TLR1: variants seen among roughly 807,000 people sequenced by gnomAD.
TLR1 encodes toll like receptor 1.
In TLR1, 19 loss-of-function variants were observed where a neutral mutation model predicts 20.2. The ratio of observed to expected loss-of-function variants is 0.94; its 90% CI spans 0.66 to 1.38. TLR1 has a LOEUF of 1.38. TLR1 is among the 40% of genes most tolerant of loss of function. TLR1 has a pLI of 0.00. For synonymous variants in TLR1, 320 were observed against 334.5 expected, an observed-to-expected ratio of 0.96 and a Z score of 0.47; for missense variants, 921 against 910.0, an observed-to-expected ratio of 1.01 and a Z score of -0.16.
In TLR1 at chr4:38,796,437, C is replaced by T. The variant is rs1726059999; in HGVS notation, c.*34G>A. On this transcript the variant is annotated 3_prime_UTR_variant, in exon 4 of 4. Coordinates refer to ENST00000308979, the MANE Select transcript of TLR1 (RefSeq NM_003263.4). ...TTGGAACTTCCAAAAGCAGCAATAT[C>T]AACAGGAGGAATATTTTTCACTTGA... is the stretch of plus-strand genomic sequence containing the variant. The T allele has an allele frequency of 1.9e-6, 3 of 1,588,314 alleles. No homozygotes were observed. The highest frequency in any genetic ancestry group is 2.6e-6 in the Non-Finnish European group (3 of 1,163,358).
In TLR1 at chr4:38,797,955, C is replaced by CA; in HGVS notation, c.876dup (p.Asp293Ter). 6.2e-7 allele frequency: 1 copy of CA among 1,614,132 alleles called. No homozygotes were observed. Among genetic ancestry groups the CA allele is most frequent in the Non-Finnish European group, 8.5e-7 (1 of 1,180,030 alleles). ...GCCTTCAAGGAAGTGCCAGAATAATCAAAATCTCTGAAGTCCAGCTGACCC... is the reference window on the plus strand; with the variant it reads ...GCCTTCAAGGAAGTGCCAGAATAATCAAAAATCTCTGAAGTCCAGCTGACCC... On this transcript the variant is annotated frameshift_variant, in exon 4 of 4. Transcript: ENST00000308979. LOFTEE classifies it low-confidence loss of function (END_TRUNC).
chr4:38,794,931 T>C (rs1488112000), downstream of TLR1, among the ~76,000 whole-genome samples: 1 of 152,140 alleles, frequency 6.6e-6, no homozygotes, highest in African/African-American at 2.4e-5. Flanking sequence ...TTTTCTAGAC[T>C]CCTTGAGTTA....
downstream of TLR1, among the ~76,000 whole-genome samples, chr4:38,792,905 G>A (rs941579109): frequency 7.7e-5 from 10 of 129,620 alleles, no homozygotes; most frequent in African/African-American, 3.0e-4. Flanking sequence ...TCCTATTATT[G>A]CCATATGAAA....
chr4:38,804,045 T>C (rs1579219572), intron 2 of TLR1, among the ~76,000 whole-genome samples: 1 of 152,314 alleles, frequency 6.6e-6, no homozygotes, highest in East Asian at 1.9e-4. Flanking sequence ...CAAGACCAAA[T>C]AGCTATTAAC....
At chr4:38,788,932 G>A (rs1024375879), downstream of TLR1, among the ~76,000 whole-genome samples, 1 of 152,118 alleles carries the variant, frequency 6.6e-6, no homozygotes, top group African/African-American at 2.4e-5. Flanking sequence ...CTGGAGCTGA[G>A]GAGTTTGATG....
At chr4:38,802,448 A>T (rs548509265) in intron 2 of TLR1, among the ~76,000 whole-genome samples, 1 of 152,228 alleles carries the variant, frequency 6.6e-6, no homozygotes, top group African/African-American at 2.4e-5. Flanking sequence ...AATGTCTCCA[A>T]TGAGCATGTA....
intron 2 of TLR1, among the ~76,000 whole-genome samples, chr4:38,803,220 T>A (rs45482391): frequency 0.022 from 3,393 of 152,188 alleles, 56 homozygotes; most frequent in Middle Eastern, 0.12. Context: ...GCCCCCTGAG[T>A]GTTCTTTCAG....
At chr4:38,802,203 A>C (rs753230842) in intron 2 of TLR1, among the ~76,000 whole-genome samples, 1 of 152,160 alleles carries the variant, frequency 6.6e-6, no homozygotes, top group Non-Finnish European at 1.5e-5. Context: ...TCTCAAAAAC[A>C]AACAAACAAA....
intron 2 of TLR1, 75 bp from the exon 3 acceptor site, chr4:38,801,023 A>G (rs5743595): frequency 0.15 from 22,153 of 152,644 alleles, 2,214 homozygotes; most frequent in East Asian, 0.4. Context: ...CATTAACTGT[A>G]TTTGGCTGAA....
At chr4:38,799,644 G>A (rs1176235472) in intron 3 of TLR1, among the ~76,000 whole-genome samples, 1 of 152,170 alleles carries the variant, frequency 6.6e-6, no homozygotes, top group Non-Finnish European at 1.5e-5. Flanking sequence ...CTCAACTGGT[G>A]TACTTTCACT....
At position 38,796,609 on chromosome 4, in the gene TLR1, G is replaced by C; in HGVS notation, c.2223C>G (p.Ser741Arg). Residue 741 changes from serine to arginine, a missense_variant, in exon 4 of 4, where the codon AGC becomes AGG. Transcript: ENST00000308979. ...LEPIPQYSIP[S>R]SYHKLKSLMA... ...TGAGACTTTTGAGCTTGTGATAACT[G>C]CTAGGAATGGAGTACTGCGGAATGG... 1 of 1,614,170 alleles carries C rather than the reference G, an allele frequency of 6.2e-7. No individual in the cohort carries two copies. Among genetic ancestry groups the C allele is most frequent in the Non-Finnish European group, 8.5e-7 (1 of 1,180,032 alleles).
chr4:38,792,169 G>A (rs1322115139), downstream of TLR1, among the ~76,000 whole-genome samples: 1 of 152,184 alleles, frequency 6.6e-6, no homozygotes, highest in Admixed American at 6.5e-5. Flanking sequence ...CTCTTCTACA[G>A]AGAAATTGAG....
Position 38,797,437 on chromosome 4 carries a change from T to G in TLR1, c.1395A>C (p.Val465=), listed in dbSNP as rs1441638195. The change falls in exon 4 of 4, where the codon GTA becomes GTC. Residue 465 remains valine, a synonymous_variant. Coordinates refer to ENST00000308979, the MANE Select transcript of TLR1 (RefSeq NM_003263.4). ...NKIKSIPKQV[V]KLEALQELNV... ...TGAGTTCTTGCAAAGCTTCCAGTTT[T>G]ACGACTTGTTTAGGAATGCTCTTTA... 11 of 1,614,022 alleles carry G rather than the reference T, an allele frequency of 6.8e-6. No individual in the cohort carries two copies. Among genetic ancestry groups the G allele is most frequent in the Non-Finnish European group, 9.3e-6 (11 of 1,180,058 alleles).
At position 38,798,336 on chromosome 4, in the gene TLR1, T is replaced by A. The variant is rs148163826; in HGVS notation, c.496A>T (p.Lys166Ter). ...VLPIAHLNIS[K>*]VLLVLGETYG... ...GTCTCTCCTAAGACCAGCAAGACCT[T>A]GCTGATATTCAAATGAGCAATTGGC... Residue 166 changes from lysine (K) to a stop codon, truncating the protein, a stop_gained, in exon 4 of 4, where the codon AAG (lysine) becomes TAG (stop). Transcript: ENST00000308979. LOFTEE classifies it low-confidence loss of function (END_TRUNC). 373 of 1,613,864 alleles carry A rather than the reference T, an allele frequency of 2.3e-4. No individual in the cohort carries two copies. The highest frequency in any genetic ancestry group is 1.2e-3 in the Middle Eastern group (7 of 6,084).
In TLR1 at chr4:38,796,919, T is replaced by C. The variant is rs769352235; in HGVS notation, c.1913A>G (p.His638Arg). ...GTGCCCACTATATGAAATAAATGCA[T>C]GAAACTGGAGATTTCTTTGGAGTTC... ...LEELQRNLQF[H>R]AFISYSGHDS... Residue 638 changes from histidine to arginine, a missense_variant, in exon 4 of 4, where the codon CAT (histidine) becomes CGT (arginine). Coordinates refer to ENST00000308979, the MANE Select transcript of TLR1 (RefSeq NM_003263.4). The C allele has an allele frequency of 6.2e-7, 1 of 1,614,242 alleles. No homozygotes were observed. The highest frequency in any genetic ancestry group is 8.5e-7 in the Non-Finnish European group (1 of 1,180,042).
downstream of TLR1, among the ~76,000 whole-genome samples, chr4:38,789,406 C>T (rs1158055485): frequency 6.6e-6 from 1 of 152,198 alleles, no homozygotes; most frequent in African/African-American, 2.4e-5. Context: ...CACACTACAG[C>T]AGCTGGTATC....
downstream of TLR1, among the ~76,000 whole-genome samples, chr4:38,792,853 T>TTATATATATATATATATATATATATA (rs72518392): frequency 0.028 from 3,362 of 120,514 alleles, 155 homozygotes; most frequent in Middle Eastern, 0.046. Context: ...TATTTTCAAA[T>TTATATATATATATATATATATATATA]TATATATATA....
At position 38,796,795 on chromosome 4, in the gene TLR1, A is replaced by T. The variant is rs1242399717; in HGVS notation, c.2037T>A (p.Ile679=). Residue 679 remains isoleucine, a synonymous_variant, in exon 4 of 4, where the codon ATT becomes ATA. Transcript: ENST00000308979. ...CAATGCAGGTGATGATATTTTCCAC[A>T]ATGCTCTTGCCAGGAACAAAGTTTC... The part of the protein sequence containing the change: ...HERNFVPGKS[I]VENIITCIEK... 3.4e-5 allele frequency: 55 copies of T among 1,614,110 alleles called. No homozygotes were observed. The East Asian group carries it at 1.2e-3, about 36-fold the overall frequency.
In TLR1 at chr4:38,797,224, G is replaced by A. The variant is rs1310898507; in HGVS notation, c.1608C>T (p.Val536=). The stretch of plus-strand genomic sequence containing the variant: ...CACTTGATACTTGGTCTATATTTTT[G>A]ACAAATTCTCCTAGCTCACAGGTAC... The part of the protein sequence containing the change: ...FQCTCELGEF[V]KNIDQVSSEV... The change falls in exon 4 of 4, where the codon GTC becomes GTT. Residue 536 remains valine (V), a synonymous_variant. Coordinates refer to ENST00000308979, the MANE Select transcript of TLR1 (RefSeq NM_003263.4). 3 of 1,614,060 alleles carry A rather than the reference G, an allele frequency of 1.9e-6. No individual in the cohort carries two copies. The highest frequency in any genetic ancestry group is 2.5e-6 in the Non-Finnish European group (3 of 1,180,042).
Sources: allele counts gnomAD v4.1 joint callset (sites outside exome capture counted in the v4.1 genomes callset), GRCh38; gene constraint gnomAD v4.1.1; transcripts MANE v1.5; gene names NCBI Gene and HGNC (gene_info 2026-07-23, HGNC 2026-07-21).